Variants in DPP10 observed in about 807,000 individuals in gnomAD.
DPP10 encodes inactive dipeptidyl peptidase 10.
In DPP10, 33 loss-of-function variants were observed where a neutral mutation model predicts 120.9. The observed-to-expected ratio is 0.27, with a 90% CI of 0.21 to 0.37. The LOEUF (loss-of-function observed/expected upper bound fraction) is 0.37. Ranked by LOEUF, DPP10 falls within the 10% of genes least tolerant of loss-of-function variation. DPP10 has a pLI of 1.00. For synonymous variants in DPP10, 337 were observed against 326.1 expected (o/e 1.03, Z -0.36); for missense variants, 816 against 942.8 (o/e 0.87, Z 1.76).
In DPP10 at chr2:114,797,091, C is replaced by T. The variant is rs575447047; in HGVS notation, c.60+354253C>T. Among the ~76,000 whole-genome samples the T allele has an allele frequency of 3.3e-5, 5 of 152,256 alleles. No homozygotes were observed. In the South Asian group the frequency reaches 1.0e-3, roughly 32 times the overall value. ...TAGTTTTCTATGACCTCACCATGCC[C>T]ACAAGAATACCAAACTGGCAACAGA... is the stretch of plus-strand genomic sequence containing the variant. On this transcript the variant is annotated intron_variant, in intron 1 of 25. Transcript: ENST00000410059.
chr2:115,091,912 C>T (rs1509741), intron 1 of DPP10, among the ~76,000 whole-genome samples: 120,704 of 152,026 alleles, frequency 0.79, 48,664 homozygotes, highest in Non-Finnish European at 0.88. Flanking sequence ...CTAGAATCAA[C>T]TTTCTTGGCA....
intron 1 of DPP10, among the ~76,000 whole-genome samples, chr2:114,580,861 C>T (rs761333389): frequency 2.6e-5 from 4 of 151,820 alleles, no homozygotes; most frequent in Admixed American, 6.6e-5. Flanking sequence ...GTGCGCTGTT[C>T]TTTCGAGGCT....
chr2:115,161,811 C>T, intron 1 of DPP10: 1 of 776,664 alleles, frequency 1.3e-6, no homozygotes. Flanking sequence ...CTCTTCTTCC[C>T]CTCCCCGCCC....
chr2:115,696,775 T>C (rs1423184220), intron 7 of DPP10, among the ~76,000 whole-genome samples: 1 of 152,218 alleles, frequency 6.6e-6, no homozygotes, highest in Admixed American at 6.5e-5. Context: ...TTTAAAAAGC[T>C]AAGATATTTA....
intron 7 of DPP10, among the ~76,000 whole-genome samples, chr2:115,705,538 A>G (rs1185070225): frequency 3.9e-5 from 6 of 151,924 alleles, no homozygotes; most frequent in Non-Finnish European, 7.4e-5. Context: ...GACGAATTCT[A>G]TTTCAAGTTA....
chr2:115,463,455 A>T (rs1454024642), intron 3 of DPP10, among the ~76,000 whole-genome samples: 1 of 152,208 alleles, frequency 6.6e-6, no homozygotes, highest in African/African-American at 2.4e-5. Context: ...GGTTTTTAGG[A>T]TGGAAGGAAG....
intron 17 of DPP10, among the ~76,000 whole-genome samples, chr2:115,790,104 G>A (rs1253838909): frequency 4.2e-5 from 6 of 142,804 alleles, no homozygotes; most frequent in African/African-American, 1.1e-4. Context: ...ACGGAGTCTC[G>A]CTCTGTCGCC....
chr2:115,147,040 C>T (rs1473108628), intron 1 of DPP10, among the ~76,000 whole-genome samples: 1 of 152,014 alleles, frequency 6.6e-6, no homozygotes, highest in African/African-American at 2.4e-5. Context: ...GAACAAAGAT[C>T]ATACCAAATA....
At chr2:115,107,042 T>C (rs1573637599) in intron 1 of DPP10, among the ~76,000 whole-genome samples, 1 of 148,894 alleles carries the variant, frequency 6.7e-6, no homozygotes. Flanking sequence ...GCCACTGCAC[T>C]CCAGCCTGGG....
At chr2:114,465,212 A>G (rs1266000940) in intron 1 of DPP10, among the ~76,000 whole-genome samples, 1 of 152,232 alleles carries the variant, frequency 6.6e-6, no homozygotes, top group Non-Finnish European at 1.5e-5. Flanking sequence ...TGAAGATAAT[A>G]TCGTCCACGT....
chr2:115,496,488 C>G (rs2076402021), intron 3 of DPP10, among the ~76,000 whole-genome samples: 1 of 152,144 alleles, frequency 6.6e-6, no homozygotes, highest in Non-Finnish European at 1.5e-5. Context: ...CTTCCTTCTA[C>G]TTTGTTCTAA....
chr2:114,703,363 A>G (rs923780069), intron 1 of DPP10, among the ~76,000 whole-genome samples: 1 of 152,216 alleles, frequency 6.6e-6, no homozygotes, highest in African/African-American at 2.4e-5. Context: ...GAGCTGCTAA[A>G]CACGCATAAG....
chr2:114,922,347 C>G (rs535476181), intron 1 of DPP10, among the ~76,000 whole-genome samples: 2 of 152,334 alleles, frequency 1.3e-5, no homozygotes, highest in East Asian at 3.9e-4. Context: ...CAGTTTCACT[C>G]TGTCACTCAG....
intron 1 of DPP10, among the ~76,000 whole-genome samples, chr2:115,165,235 G>GT (rs1473869672): frequency 6.6e-6 from 1 of 152,134 alleles, no homozygotes; most frequent in Non-Finnish European, 1.5e-5. Context: ...TCTCAAAGCA[G>GT]TTTTTTGAGG....
intron 1 of DPP10, among the ~76,000 whole-genome samples, chr2:114,868,159 A>G (rs1470046792): frequency 6.6e-6 from 1 of 152,182 alleles, no homozygotes; most frequent in African/African-American, 2.4e-5. Context: ...TAAGACCCTC[A>G]AGATAGCACA....
At chr2:115,794,916 G>A (rs1684376824) in intron 19 of DPP10, among the ~76,000 whole-genome samples, 1 of 151,996 alleles carries the variant, frequency 6.6e-6, no homozygotes, top group Non-Finnish European at 1.5e-5. Context: ...TTTTACATAT[G>A]AGAAGCCGTG....
chr2:114,608,306 A>G (rs2195607), intron 1 of DPP10, among the ~76,000 whole-genome samples: 18,891 of 152,146 alleles, frequency 0.12, 1,184 homozygotes, highest in Admixed American at 0.15. Context: ...CCACTAACCC[A>G]CCAAGTACAG....
At chr2:115,656,526 G>A (rs1461192049) in intron 5 of DPP10, among the ~76,000 whole-genome samples, 2 of 151,596 alleles carry the variant, frequency 1.3e-5, no homozygotes, top group Non-Finnish European at 3.0e-5. Context: ...CTGTCGGTAT[G>A]AGAAAGGAAA....
intron 1 of DPP10, among the ~76,000 whole-genome samples, chr2:115,033,041 A>G (rs911753980): frequency 3.9e-5 from 6 of 152,182 alleles, no homozygotes; most frequent in Non-Finnish European, 4.4e-5. Context: ...TCTCTTGAAT[A>G]TAACAGTCAG....
Sources: allele counts gnomAD v4.1 joint callset (sites outside exome capture counted in the v4.1 genomes callset), GRCh38; gene constraint gnomAD v4.1.1; transcripts MANE v1.5; gene names NCBI Gene and HGNC (gene_info 2026-07-23, HGNC 2026-07-21).